Variants in KYAT1 observed in about 807,000 individuals in gnomAD.
KYAT1 encodes the protein kynurenine aminotransferase 1.
In KYAT1, 47 loss-of-function variants were observed where a neutral mutation model predicts 52.4. The ratio of observed to expected loss-of-function variants is 0.90; its 90% confidence interval spans 0.71 to 1.14. KYAT1 has a LOEUF of 1.14. Ranked by LOEUF, KYAT1 falls within the 50% of genes most tolerant of loss-of-function variation. The probability of loss-of-function intolerance (pLI) is 0.00; values close to 1 mark genes in which losing one functional copy is unlikely to be tolerated. For missense variants in KYAT1, 480 were observed against 557.9 expected (o/e 0.86, Z 1.41); for synonymous variants, 212 against 209.6 (o/e 1.01, Z -0.10).
Position 128,835,656 on chromosome 9 carries a change from G to C in KYAT1, c.867C>G (p.Ala289=), listed in dbSNP as rs377350447. 1 of 1,609,822 alleles carries C rather than the reference G, an allele frequency of 6.2e-7. No individual in the cohort carries two copies. Among genetic ancestry groups the C allele is most frequent in the Admixed American group, 1.7e-5 (1 of 59,956 alleles). The part of the protein sequence containing the change: ...HCPTQSQAAV[A]ESFEREQLLF... Reference sequence around the variant, plus strand: ...GCAGCTGCTCCCGTTCAAAGCTCTCGGCTACTGCAGCCTGGGCAGGGCAGA... The same window carrying C: ...GCAGCTGCTCCCGTTCAAAGCTCTCCGCTACTGCAGCCTGGGCAGGGCAGA... The change falls in exon 10 of 13, where the codon GCC becomes GCG. Residue 289 remains alanine, a synonymous_variant. Coordinates refer to ENST00000302586, the MANE Select transcript of KYAT1 (RefSeq NM_004059.5).
At position 128,873,766 on chromosome 9, in the gene KYAT1, GA is replaced by G. The variant is rs201036542; in HGVS notation, c.-7+8130del. 3.1e-3 allele frequency among the ~76,000 whole-genome samples: 459 copies of G among 146,968 alleles called. 6 individuals are homozygous for G. The highest frequency in any genetic ancestry group is 0.011 in the African/African-American group (427 of 40,050). ...ACAGAGCGAGACTCCATCTCAAAAA[GA>G]AAAAAAAAATTAAATACAAATACAA... On this transcript the variant is annotated intron_variant, in intron 1 of 12. Coordinates refer to ENST00000302586, the MANE Select transcript of KYAT1 (RefSeq NM_004059.5).
chr9:128,860,861 C>T (rs529690641), intron 1 of KYAT1, among the ~76,000 whole-genome samples: 3 of 152,126 alleles, frequency 2.0e-5, no homozygotes, highest in Admixed American at 2.0e-4. Flanking sequence ...CTGCCTCCGG[C>T]CCACACGCAT....
intron 1 of KYAT1, among the ~76,000 whole-genome samples, chr9:128,853,813 A>T (rs1834252364): frequency 6.6e-6 from 1 of 152,232 alleles, no homozygotes; most frequent in Non-Finnish European, 1.5e-5. Flanking sequence ...CATTGTACTC[A>T]GTGTCAAGTC....
At chr9:128,862,455 A>T (rs1311513606) in intron 1 of KYAT1, among the ~76,000 whole-genome samples, 1 of 152,182 alleles carries the variant, frequency 6.6e-6, no homozygotes, top group African/African-American at 2.4e-5. Context: ...TAAAATAACA[A>T]CACTTACATT....
chr9:128,856,538 G>A (rs1588112616), intron 1 of KYAT1, among the ~76,000 whole-genome samples: 1 of 152,314 alleles, frequency 6.6e-6, no homozygotes, highest in East Asian at 1.9e-4. Flanking sequence ...CCTGTACCTT[G>A]AACAATTGCT....
intron 3 of KYAT1, chr9:128,840,531 G>A (rs995037388): frequency 2.3e-5 from 9 of 389,898 alleles, no homozygotes; most frequent in African/African-American, 8.6e-5. Context: ...GATTATAGGC[G>A]TGAGCCACCA....
chr9:128,871,280 T>C (rs1368499517), intron 1 of KYAT1, among the ~76,000 whole-genome samples: 1 of 152,142 alleles, frequency 6.6e-6, no homozygotes, highest in Non-Finnish European at 1.5e-5. Flanking sequence ...ATTGTGCCAC[T>C]GTACTCCAGC....
In KYAT1 at chr9:128,837,800, T is replaced by C. The variant is rs766307832; in HGVS notation, c.452A>G (p.Asn151Ser). 4.3e-6 allele frequency: 7 copies of C among 1,613,940 alleles called. No individual in the cohort carries two copies. In the East Asian group the frequency reaches 1.6e-4, roughly 36 times the overall value. Residue 151 changes from asparagine (N) to serine (S), a missense_variant, in exon 6 of 13, where the codon AAT becomes AGT. Coordinates refer to ENST00000302586, the MANE Select transcript of KYAT1 (RefSeq NM_004059.5). ...FVSLKPGPIQ[N>S]GELGSSSNWQ... The stretch of plus-strand genomic sequence containing the variant: ...GTTGCTGCTGGAACCCAGTTCTCCA[T>C]TCTGGATGGGACCCTGCAAGAGCAG...
chr9:128,837,966 T>G (rs2118994669), intron 5 of KYAT1, 85 bp downstream of exon 5: 1 of 1,523,748 alleles, frequency 6.6e-7, no homozygotes. Context: ...CCTTCACTTC[T>G]TTCCTCCTTT....
At position 128,863,580 on chromosome 9, in the gene KYAT1, G is replaced by A. The variant is rs1002375686; in HGVS notation, c.-6-18169C>T. ...GAGCTTATGGGTGTGGTGAAGGTAG[G>A]TTCCAGGAACTTAGGAGGGAGGGAG... is the stretch of plus-strand genomic sequence containing the variant. On this transcript the variant is annotated intron_variant, in intron 1 of 12. Transcript: ENST00000302586. Among the ~76,000 whole-genome samples, 6 of 132,788 alleles carry A rather than the reference G, an allele frequency of 4.5e-5. No individual in the cohort carries two copies. The Admixed American group carries it at 4.9e-4, about 11-fold the overall frequency. The allele number at this position is 132,788 out of a possible 152,430, so 87.1% of individuals were successfully genotyped here.
chr9:128,866,391 G>A (rs921380485), intron 1 of KYAT1, among the ~76,000 whole-genome samples: 1 of 152,172 alleles, frequency 6.6e-6, no homozygotes. Context: ...CCTGAGGTCA[G>A]GAGTTTGAGA....
intron 1 of KYAT1, among the ~76,000 whole-genome samples, chr9:128,876,130 G>A (rs541954326): frequency 5.9e-5 from 9 of 152,086 alleles, no homozygotes; most frequent in Non-Finnish European, 1.0e-4. Flanking sequence ...TTTAGAGATA[G>A]GGTCTCGCTT....
rs201788280 is a variant in KYAT1 at position 128,874,722 on chromosome 9, CT to C, written c.-7+7174del. On this transcript the variant is annotated intron_variant, in intron 1 of 12. Transcript: ENST00000302586. ...ACATTTTGTGGTGAGATAATCCTGCCTTTTTTTTTTTTTTTTTTTTGAGACG... is the reference window on the plus strand; with the variant it reads ...ACATTTTGTGGTGAGATAATCCTGCCTTTTTTTTTTTTTTTTTTTGAGACG... Among the ~76,000 whole-genome samples the C allele has an allele frequency of 9.0e-3, 1,118 of 123,632 alleles. 7 individuals are homozygous for C. Among genetic ancestry groups the C allele is most frequent in the South Asian group, 0.045 (173 of 3,822 alleles). 81.1% of individuals were successfully genotyped at this position (123,632 alleles called of 152,430 possible).
intron 1 of KYAT1, among the ~76,000 whole-genome samples, chr9:128,880,153 C>T (rs1047782247): frequency 6.6e-6 from 1 of 152,178 alleles, no homozygotes; most frequent in East Asian, 1.9e-4. Context: ...ATTTTACAGG[C>T]GGGGACATGG....
intron 1 of KYAT1, among the ~76,000 whole-genome samples, chr9:128,862,076 C>G (rs560410030): frequency 6.6e-6 from 1 of 152,226 alleles, no homozygotes; most frequent in South Asian, 2.1e-4. Context: ...CACTCTCCCC[C>G]ACATCGGACT....
rs547903272 is a variant in KYAT1 at position 128,846,301 on chromosome 9, G to A, written c.-6-890C>T. Among the ~76,000 whole-genome samples, 16 of 152,276 alleles carry A rather than the reference G, an allele frequency of 1.1e-4. 1 individual carries two copies. In the South Asian group the frequency reaches 2.1e-3, roughly 20 times the overall value. ...AAAAATTAGCTGGGCGTGGTAGCAC[G>A]CACCTGTTATCCCAGCTACTTGGGA... is the stretch of plus-strand genomic sequence containing the variant. On this transcript the variant is annotated intron_variant, in intron 1 of 12. Transcript: ENST00000302586.
chr9:128,868,086 A>C (rs1307382665), intron 1 of KYAT1, among the ~76,000 whole-genome samples: 1 of 151,076 alleles, frequency 6.6e-6, no homozygotes, highest in Non-Finnish European at 1.5e-5. Flanking sequence ...CAAAGCTTAT[A>C]ATTAGAATAG....
chr9:128,874,043 G>A (rs1837615228), intron 1 of KYAT1, among the ~76,000 whole-genome samples: 1 of 151,630 alleles, frequency 6.6e-6, no homozygotes, highest in African/African-American at 2.4e-5. Context: ...ATCACCTGAG[G>A]TCAGAAGTTC....
intron 1 of KYAT1, among the ~76,000 whole-genome samples, chr9:128,862,138 A>C (rs1026275941): frequency 6.6e-5 from 10 of 152,254 alleles, no homozygotes; most frequent in African/African-American, 2.4e-4. Flanking sequence ...ATTCTAAGTC[A>C]TGTCTTCATC....
Sources: gnomAD v4.1 joint callset for allele counts (sites outside exome capture counted in the v4.1 genomes callset) on GRCh38, gnomAD v4.1.1 for gene constraint, MANE v1.5 for transcripts, NCBI Gene and HGNC (gene_info 2026-07-23, HGNC 2026-07-21) for gene names.